Variants in BDKRB2 observed in about 807,000 individuals in gnomAD.
BDKRB2 encodes bradykinin receptor B2.
In BDKRB2, 6 loss-of-function variants were observed where a neutral mutation model predicts 4.0. The observed-to-expected ratio is 1.49, with a 90% CI of 0.81 to 2.93. The LOEUF is 2.93. BDKRB2 is among the 30% of genes most tolerant of loss of function. BDKRB2 has a pLI of 0.00. For missense variants in BDKRB2, 478 were observed against 520.1 expected (o/e 0.92, Z 0.79); for synonymous variants, 225 against 215.3 (o/e 1.05, Z -0.40).
chr14:96,221,742 A>T (rs1488981483), intron 1 of BDKRB2, among the ~76,000 whole-genome samples: 1 of 152,042 alleles, frequency 6.6e-6, no homozygotes, highest in Non-Finnish European at 1.5e-5. Context: ...GACAAAGGAC[A>T]TTGGGACAGA....
chr14:96,206,009 C>T (rs1890171542), intron 1 of BDKRB2, among the ~76,000 whole-genome samples: 2 of 152,112 alleles, frequency 1.3e-5, no homozygotes, highest in Admixed American at 1.3e-4. Context: ...GCCAACCCCG[C>T]CCCTAATTCC....
Position 96,240,708 on chromosome 14 carries a change from AGACGCTCTGCCGCGTGGT to A in BDKRB2, c.383_400del (p.Thr128_Val133del). ...AACAACTTCGACTGGCTCTTTGGGG[AGACGCTCTGCCGCGTGGT>A]GAATGCCATTATCTCCATGAACCTG... On this transcript the variant is annotated inframe_deletion, in exon 3 of 3. Transcript: ENST00000554311. The A allele has an allele frequency of 6.2e-7, 1 of 1,601,258 alleles. No individual in the cohort carries two copies.
rs1885299827 is a variant in BDKRB2, at chr14:96,241,728, C to T, written c.*224C>T. The stretch of plus-strand genomic sequence containing the variant: ...CGCACAGCCAAGGACTCCAAAATCA[C>T]AACAGCATTACTGTTCTTATTTGCT... On this transcript the variant is annotated 3_prime_UTR_variant, in exon 3 of 3. Coordinates refer to ENST00000554311, the MANE Select transcript of BDKRB2 (RefSeq NM_001379692.1). 6.6e-6 allele frequency: 4 copies of T among 607,470 alleles called. No homozygotes were observed. The South Asian group carries it at 1.4e-4, about 21-fold the overall frequency. The allele number at this position is 607,470 out of a possible 1,614,324, so 37.6% of individuals were successfully genotyped here.
intron 1 of BDKRB2, among the ~76,000 whole-genome samples, chr14:96,224,914 A>G (rs1890659409): frequency 6.6e-6 from 1 of 152,178 alleles, no homozygotes; most frequent in African/African-American, 2.4e-5. Flanking sequence ...AGGCTTTGAG[A>G]TGGGCGAGAC....
At chr14:96,215,920 G>T (rs868104239) in intron 1 of BDKRB2, among the ~76,000 whole-genome samples, 1 of 152,182 alleles carries the variant, frequency 6.6e-6, no homozygotes, top group Non-Finnish European at 1.5e-5. Context: ...ACTGCAGTAA[G>T]CGCAGACACA....
At chr14:96,213,231 C>T (rs1890342036) in intron 1 of BDKRB2, among the ~76,000 whole-genome samples, 1 of 152,166 alleles carries the variant, frequency 6.6e-6, no homozygotes, top group Non-Finnish European at 1.5e-5. Context: ...ATTCCTTCCT[C>T]CCCTAACCAC....
chr14:96,239,934 G>C, intron 2 of BDKRB2: 1 of 986,276 alleles, frequency 1.0e-6, no homozygotes, highest in Non-Finnish European at 1.2e-6. Flanking sequence ...TGGTCTCCAA[G>C]CCAGACTGGA....
At chr14:96,238,670 G>C in intron 2 of BDKRB2, 1 of 967,222 alleles carries the variant, frequency 1.0e-6, no homozygotes, top group Non-Finnish European at 1.2e-6. Context: ...CCAGTTCTGT[G>C]CCTCTGCTCA....
chr14:96,215,483 G>C (rs1890397583), intron 1 of BDKRB2, among the ~76,000 whole-genome samples: 1 of 145,512 alleles, frequency 6.9e-6, no homozygotes. Context: ...AAAAAAAAAG[G>C]GAGGGGGTTG....
At chr14:96,214,358 C>G (rs956909030) in intron 1 of BDKRB2, among the ~76,000 whole-genome samples, 2 of 152,174 alleles carry the variant, frequency 1.3e-5, no homozygotes. Context: ...AGGCGACTGT[C>G]ATTCCTGAGA....
intron 2 of BDKRB2, chr14:96,238,605 C>T: frequency 1.5e-5 from 15 of 984,172 alleles, no homozygotes; most frequent in Non-Finnish European, 1.8e-5. Flanking sequence ...TTGCTACTTC[C>T]CACCTCTCCT....
intron 1 of BDKRB2, among the ~76,000 whole-genome samples, chr14:96,235,989 C>T (rs1890926432): frequency 1.3e-5 from 2 of 152,176 alleles, no homozygotes; most frequent in Non-Finnish European, 2.9e-5. Context: ...GTCACCCCCA[C>T]CCATCTGCGC....
intron 1 of BDKRB2, among the ~76,000 whole-genome samples, chr14:96,229,061 CA>C (rs1890760346): frequency 6.6e-6 from 1 of 152,134 alleles, no homozygotes; most frequent in African/African-American, 2.4e-5. Flanking sequence ...CTCCACCCAG[CA>C]ATTATGTCTG....
chr14:96,220,751 T>G (rs1043973101), intron 1 of BDKRB2, among the ~76,000 whole-genome samples: 1 of 151,942 alleles, frequency 6.6e-6, no homozygotes, highest in South Asian at 2.1e-4. Context: ...TTTTGCCAAC[T>G]GCCCCCCACC....
At chr14:96,206,704 C>T (rs1034966488) in intron 1 of BDKRB2, among the ~76,000 whole-genome samples, 9 of 152,292 alleles carry the variant, frequency 5.9e-5, no homozygotes, top group East Asian at 3.9e-4. Flanking sequence ...AACATTAGGG[C>T]GGCCTCCTCA....
rs192953717 is a variant in BDKRB2 at position 96,241,019 on chromosome 14, G to A, written c.691G>A (p.Val231Met). Residue 231 changes from valine to methionine, a missense_variant, in exon 3 of 3, where the codon GTG becomes ATG. Physicochemically the swap from Val to Met is conservative, Grantham distance 21 (BLOSUM62 1). Coordinates refer to ENST00000554311, the MANE Select transcript of BDKRB2 (RefSeq NM_001379692.1). ...EVFTNMLLNV[V>M]GFLLPLSVIT... The stretch of plus-strand genomic sequence containing the variant: ...GTTCACCAACATGCTCCTGAATGTC[G>A]TGGGCTTCCTGCTGCCCCTGAGTGT... 28 of 1,607,296 alleles carry A rather than the reference G, an allele frequency of 1.7e-5. No homozygotes were observed. Among genetic ancestry groups the A allele is most frequent in the Middle Eastern group, 1.7e-4 (1 of 6,044 alleles).
At position 96,211,679 on chromosome 14, in the gene BDKRB2, G is replaced by A. The variant is rs78931914; in HGVS notation, c.-40+6720G>A. Among the ~76,000 whole-genome samples, 441 of 152,158 alleles carry A rather than the reference G, an allele frequency of 2.9e-3. 14 individuals carry two copies. The East Asian group carries it at 0.041, about 14-fold the overall frequency. On this transcript the variant is annotated intron_variant, in intron 1 of 2. Transcript: ENST00000554311. ...CACTTCCCTTCTCCCTCCTCCTCCC[G>A]CTCCTCCTTTTTCGGAAGCCAGGCA...
intron 1 of BDKRB2, among the ~76,000 whole-genome samples, chr14:96,220,669 C>G (rs539529273): frequency 1.4e-5 from 2 of 147,326 alleles, no homozygotes; most frequent in African/African-American, 2.5e-5. Context: ...TCCTCCATCT[C>G]CCCAGACCTG....
intron 1 of BDKRB2, among the ~76,000 whole-genome samples, chr14:96,222,873 A>C (rs537758121): frequency 1.2e-4 from 18 of 152,206 alleles, no homozygotes; most frequent in African/African-American, 3.9e-4. Context: ...AATTGATTTC[A>C]CCTGTGTCTT....
Sources: allele counts gnomAD v4.1 joint callset (sites outside exome capture counted in the v4.1 genomes callset), GRCh38; gene constraint gnomAD v4.1.1; transcripts MANE v1.5; gene names NCBI Gene and HGNC (gene_info 2026-07-23, HGNC 2026-07-21).